The following TRHDE variants were observed in gnomAD, a reference collection of about 807,000 sequenced individuals.
TRHDE encodes thyrotropin-releasing hormone-degrading ectoenzyme.
In TRHDE, 72 loss-of-function variants were observed where a neutral mutation model predicts 125.7. The observed-to-expected ratio is 0.57, with a 90% CI of 0.47 to 0.70. The LOEUF is 0.70. Among genes scored for constraint, TRHDE ranks in the 30% least tolerant of loss-of-function variants. The pLI is 0.00. For synonymous variants in TRHDE, 509 were observed against 509.1 expected, an observed-to-expected ratio of 1.00 and a Z score of 0.00; for missense variants, 1,110 against 1,327.1, an observed-to-expected ratio of 0.84 and a Z score of 2.54.
intron 1 of TRHDE, among the ~76,000 whole-genome samples, chr12:72,100,889 A>G (rs1010095473): frequency 6.6e-6 from 1 of 152,156 alleles, no homozygotes; most frequent in Non-Finnish European, 1.5e-5. Context: ...GATCCCTCAT[A>G]CTTTCCTCTG....
chr12:72,508,085 T>C (rs895102014), intron 6 of TRHDE, among the ~76,000 whole-genome samples: 1 of 152,232 alleles, frequency 6.6e-6, no homozygotes, highest in Non-Finnish European at 1.5e-5. Flanking sequence ...TGAAAATGCC[T>C]GGGTGTCCAG....
intron 3 of TRHDE, among the ~76,000 whole-genome samples, chr12:72,419,529 G>T (rs1266112152): frequency 6.6e-6 from 1 of 152,108 alleles, no homozygotes; most frequent in African/African-American, 2.4e-5. Flanking sequence ...GCAAGAGGGA[G>T]ATGGGGAGTG....
At chr12:72,137,941 A>G (rs1046189961) in intron 2 of TRHDE, among the ~76,000 whole-genome samples, 1 of 152,248 alleles carries the variant, frequency 6.6e-6, no homozygotes, top group Non-Finnish European at 1.5e-5. Flanking sequence ...ACAATAGGTA[A>G]GAAAGTGAAA....
At chr12:72,256,186 G>A (rs754018081) in intron 2 of TRHDE, 2 of 152,046 alleles carry the variant, frequency 1.3e-5, no homozygotes, top group Non-Finnish European at 2.9e-5. Flanking sequence ...CTTAGTAGAA[G>A]TCTAAGTACT....
In TRHDE at chr12:72,657,010, T is replaced by C; in HGVS notation, c.3066+2T>C. Reference sequence around the variant, plus strand: ...AATACTGAAGGTGAACTCAAAGAGGTAAATATTTTAAGATGAAGTCTAATT... The same window carrying C: ...AATACTGAAGGTGAACTCAAAGAGGCAAATATTTTAAGATGAAGTCTAATT... On this transcript the variant is annotated splice_donor_variant, in intron 18 of 18. Transcript: ENST00000261180. LOFTEE classifies it high-confidence loss of function. 1 of 1,547,068 alleles carries C rather than the reference T, an allele frequency of 6.5e-7. No individual in the cohort carries two copies. Among genetic ancestry groups the C allele is most frequent in the South Asian group, 1.1e-5 (1 of 88,348 alleles).
At chr12:72,634,495 TA>T in intron 15 of TRHDE, among the ~76,000 whole-genome samples, 1 of 152,006 alleles carries the variant, frequency 6.6e-6, no homozygotes. Context: ...TCTTTTTTTT[TA>T]ATTGTTAATT....
chr12:72,553,323 G>A (rs1214894), intron 7 of TRHDE, among the ~76,000 whole-genome samples: 82,550 of 151,974 alleles, frequency 0.54, 26,545 homozygotes, highest in South Asian at 0.72. Flanking sequence ...ATAATTGAAG[G>A]ACAGTACAAC....
At chr12:72,487,319 G>A (rs918109482) in intron 5 of TRHDE, among the ~76,000 whole-genome samples, 1 of 152,102 alleles carries the variant, frequency 6.6e-6, no homozygotes, top group Non-Finnish European at 1.5e-5. Flanking sequence ...ACTCAAAGAT[G>A]TATTCTCCAT....
chr12:72,582,893 T>C (rs1871296202), intron 12 of TRHDE, among the ~76,000 whole-genome samples: 1 of 152,158 alleles, frequency 6.6e-6, no homozygotes, highest in African/African-American at 2.4e-5. Context: ...GTTTCAAAAT[T>C]ATTTATTTAA....
rs185078853 is a variant in TRHDE at position 72,240,483 on chromosome 12, A to T, written n.279+134731A>T. On this transcript the variant is annotated intron_variant and non_coding_transcript_variant, in intron 2 of 4. Coordinates refer to the TRHDE transcript ENST00000548156. Reference sequence around the variant, plus strand: ...CATGGAGGCATAATAACGATCAGATAGTTCCAAGCTCCTCTTTGTCATCTG... The same window carrying T: ...CATGGAGGCATAATAACGATCAGATTGTTCCAAGCTCCTCTTTGTCATCTG... 1.2e-3 allele frequency among the ~76,000 whole-genome samples: 180 copies of T among 152,102 alleles called. 4 individuals carry two copies. Among genetic ancestry groups the T allele is most frequent in the African/African-American group, 4.2e-3 (173 of 41,516 alleles).
At chr12:72,532,808 C>T (rs1868628142) in intron 6 of TRHDE, among the ~76,000 whole-genome samples, 1 of 149,858 alleles carries the variant, frequency 6.7e-6, no homozygotes, top group South Asian at 2.1e-4. Flanking sequence ...TGTATTATCA[C>T]ATATAATATA....
At chr12:72,337,736 C>A (rs1869892620) in intron 2 of TRHDE, among the ~76,000 whole-genome samples, 1 of 152,046 alleles carries the variant, frequency 6.6e-6, no homozygotes, top group East Asian at 1.9e-4. Flanking sequence ...TTTTGCTGGT[C>A]TAGATTCACT....
intron 3 of TRHDE, among the ~76,000 whole-genome samples, chr12:72,394,079 G>A (rs1185113507): frequency 1.3e-5 from 2 of 152,040 alleles, no homozygotes; most frequent in African/African-American, 2.4e-5. Flanking sequence ...AATATGGTTT[G>A]GACAATTAAT....
At chr12:72,612,814 G>A (rs3852550) in intron 12 of TRHDE, among the ~76,000 whole-genome samples, 61,949 of 151,960 alleles carry the variant, frequency 0.41, 14,677 homozygotes, top group African/African-American at 0.65. Context: ...CCAAATAACT[G>A]ACATCTATTA....
rs1297211049 is a variant in TRHDE, at chr12:72,605,841, CG to C, written c.2322-13049del. Among the ~76,000 whole-genome samples, 6 of 152,150 alleles carry C rather than the reference CG, an allele frequency of 3.9e-5. No individual in the cohort carries two copies. In the East Asian group the frequency reaches 1.2e-3, roughly 29 times the overall value. Reference sequence around the variant, plus strand: ...TTATTGCTTGAAATAGTTTCTTTGACGAGCTCTAATATCTTTTTGCAGCTGT... The same window carrying C: ...TTATTGCTTGAAATAGTTTCTTTGACAGCTCTAATATCTTTTTGCAGCTGT... On this transcript the variant is annotated intron_variant, in intron 12 of 18. Transcript: ENST00000261180.
intron 3 of TRHDE, among the ~76,000 whole-genome samples, chr12:72,384,255 T>A (rs1159662740): frequency 6.6e-6 from 1 of 152,198 alleles, no homozygotes; most frequent in East Asian, 1.9e-4. Context: ...ATTGCTTTTT[T>A]TCAAGACACC....
intron 12 of TRHDE, among the ~76,000 whole-genome samples, chr12:72,584,437 G>C (rs1871361826): frequency 6.6e-6 from 1 of 152,014 alleles, no homozygotes. Context: ...CATTTTTCAA[G>C]AATACAATAT....
chr12:72,533,753 T>A (rs1249505160), intron 6 of TRHDE, among the ~76,000 whole-genome samples: 1 of 150,964 alleles, frequency 6.6e-6, no homozygotes, highest in East Asian at 1.9e-4. Context: ...TTATGTTTTA[T>A]CCTTCTATGT....
intron 2 of TRHDE, among the ~76,000 whole-genome samples, chr12:72,131,022 G>A (rs1050789380): frequency 7.5e-5 from 11 of 146,398 alleles, no homozygotes; most frequent in Non-Finnish European, 1.5e-4. Flanking sequence ...GCCTTACGAT[G>A]TCTGTTTCTA....
Sources: allele counts gnomAD v4.1 joint callset (sites outside exome capture counted in the v4.1 genomes callset), GRCh38; gene constraint gnomAD v4.1.1; transcripts MANE v1.5; gene names NCBI Gene and HGNC (gene_info 2026-07-23, HGNC 2026-07-21).